Variants in ANK2 observed in about 807,000 individuals in gnomAD.
ANK2 encodes the protein ankyrin-2.
In ANK2, 83 loss-of-function variants were observed where a neutral mutation model predicts 360.5. The ratio of observed to expected loss-of-function variants is 0.23; its 90% CI spans 0.19 to 0.28. ANK2 has a LOEUF of 0.28. Ranked by LOEUF, ANK2 falls within the 10% of genes least tolerant of loss-of-function variation. ANK2 has a pLI of 1.00. For synonymous variants in ANK2, 1,740 were observed against 1,759.5 expected (o/e 0.99, Z 0.28); for missense variants, 4,201 against 4,795.7 (o/e 0.88, Z 3.66).
At chr4:113,300,636 G>A (rs1388101188) in intron 22 of ANK2, among the ~76,000 whole-genome samples, 1 of 152,162 alleles carries the variant, frequency 6.6e-6, no homozygotes, top group Non-Finnish European at 1.5e-5. Flanking sequence ...ATCAGGGAAT[G>A]TTTCTCCAAG....
intron 2 of ANK2, among the ~76,000 whole-genome samples, chr4:112,968,719 C>T (rs1486371278): frequency 1.3e-5 from 2 of 152,070 alleles, no homozygotes; most frequent in Non-Finnish European, 1.5e-5. Context: ...TTTGCCATTT[C>T]TATATAGGGA....
At chr4:113,033,227 G>A (rs1291378117) in intron 2 of ANK2, among the ~76,000 whole-genome samples, 1 of 152,044 alleles carries the variant, frequency 6.6e-6, no homozygotes, top group African/African-American at 2.4e-5. Context: ...ATGGCTGAGT[G>A]TGTACCAGGA....
At chr4:112,957,621 G>C (rs565620533) in intron 2 of ANK2, among the ~76,000 whole-genome samples, 53 of 151,068 alleles carry the variant, frequency 3.5e-4, no homozygotes, top group Non-Finnish European at 3.0e-5. Context: ...CCTCCCGGAC[G>C]GGGCGGCTGG....
chr4:113,218,021 C>G (rs2099106309), intron 4 of ANK2, among the ~76,000 whole-genome samples: 1 of 152,142 alleles, frequency 6.6e-6, no homozygotes, highest in Admixed American at 6.6e-5. Flanking sequence ...CTTTTAAAGA[C>G]CTTGGATAAG....
intron 9 of ANK2, 87 bp from the exon 10 acceptor site, chr4:113,249,677 T>C: frequency 1.6e-6 from 2 of 1,242,986 alleles, no homozygotes; most frequent in Non-Finnish European, 2.3e-6. Context: ...GGATTGAGTT[T>C]AGGAACTCCC....
At chr4:112,739,977 C>T in the ANK2 span, among the ~76,000 whole-genome samples, 1 of 152,102 alleles carries the variant, frequency 6.6e-6, no homozygotes, top group African/African-American at 2.4e-5. Context: ...GCCTGGGCAA[C>T]AGAGCAGAAC....
At chr4:113,027,522 TG>T (rs2059538917) in intron 2 of ANK2, among the ~76,000 whole-genome samples, 1 of 152,122 alleles carries the variant, frequency 6.6e-6, no homozygotes, top group African/African-American at 2.4e-5. Context: ...GTCTTCTTCC[TG>T]GGGCCACCAT....
chr4:112,726,782 C>T, the ANK2 span, among the ~76,000 whole-genome samples: 1 of 141,348 alleles, frequency 7.1e-6, no homozygotes, highest in Non-Finnish European at 1.5e-5. Flanking sequence ...ACCTGGGAGG[C>T]GGAGCTTGCA....
At chr4:112,814,492 T>G (rs1420953984), upstream of ANK2, among the ~76,000 whole-genome samples, 1 of 152,114 alleles carries the variant, frequency 6.6e-6, no homozygotes, top group Non-Finnish European at 1.5e-5. Context: ...TGTTACCCAG[T>G]CTGGAGTGCA....
the ANK2 span, among the ~76,000 whole-genome samples, chr4:112,728,203 G>C: frequency 1.4e-5 from 2 of 139,100 alleles, no homozygotes; most frequent in Admixed American, 1.6e-4. Context: ...TGAGGCAGGA[G>C]TATCGCTTGA....
chr4:112,991,231 A>G (rs2046651719), intron 2 of ANK2, among the ~76,000 whole-genome samples: 1 of 80,616 alleles, frequency 1.2e-5, no homozygotes, highest in Non-Finnish European at 2.4e-5. Flanking sequence ...CTGGTGACAG[A>G]GCCTCAAAAA....
intron 2 of ANK2, among the ~76,000 whole-genome samples, chr4:112,986,476 T>C (rs1184873451): frequency 1.3e-5 from 2 of 152,162 alleles, no homozygotes; most frequent in Non-Finnish European, 2.9e-5. Flanking sequence ...TTTTTTGTTT[T>C]AACATTACTC....
intron 1 of ANK2, among the ~76,000 whole-genome samples, chr4:112,881,307 A>C (rs1206353630): frequency 6.6e-6 from 1 of 152,158 alleles, no homozygotes; most frequent in Non-Finnish European, 1.5e-5. Flanking sequence ...GCATGGTGGC[A>C]TGTGCCTGTG....
chr4:113,115,086 G>A (rs1562171230), intron 1 of ANK2, among the ~76,000 whole-genome samples: 1 of 152,108 alleles, frequency 6.6e-6, no homozygotes, highest in Non-Finnish European at 1.5e-5. Context: ...CCTAATGACT[G>A]CTTTGACACC....
Position 113,381,458 on chromosome 4 carries a change from A to T in ANK2, c.11861A>T (p.Asp3954Val). ...TCTCTCTTGTCTGCTTTTCTCCAGG[A>T]CAACAATGAGTAAAGCCATCACACA... Reference protein sequence around the residue: ...VLKSDTEQSEDNNE With the variant: ...VLKSDTEQSEVNNE The change falls in exon 46 of 46, where the codon GAC becomes GTC. Residue 3954 changes from aspartate (D) to valine (V), a missense_variant and splice_region_variant. Asp to Val is a radical substitution (Grantham distance 152). Around this residue, in one of 4 missense-constraint regions of ANK2, gnomAD observed 2,642 missense variants for 2,714.5 expected, o/e 0.97. Coordinates refer to ENST00000357077, the MANE Select transcript of ANK2 (RefSeq NM_001148.6). The T allele has an allele frequency of 6.2e-7, 1 of 1,614,162 alleles. No individual in the cohort carries two copies. The highest frequency in any genetic ancestry group is 1.3e-5 in the African/African-American group (1 of 75,040).
At chr4:113,221,182 G>A (rs1053425973) in intron 4 of ANK2, among the ~76,000 whole-genome samples, 6 of 152,184 alleles carry the variant, frequency 3.9e-5, no homozygotes, top group Admixed American at 3.3e-4. Context: ...CTTTGCAGAT[G>A]GGAAGATTAG....
At chr4:113,171,669 A>G (rs947787471) in intron 1 of ANK2, among the ~76,000 whole-genome samples, 5 of 152,174 alleles carry the variant, frequency 3.3e-5, no homozygotes, top group African/African-American at 1.2e-4. Flanking sequence ...CCTTCAGAAC[A>G]CTGGGAGCAT....
At chr4:113,137,655 TCTTC>T (rs1030304410) in intron 1 of ANK2, among the ~76,000 whole-genome samples, 5 of 152,252 alleles carry the variant, frequency 3.3e-5, no homozygotes, top group African/African-American at 1.2e-4. Context: ...CCTTCTTCCT[TCTTC>T]CTTCCTTTCT....
In ANK2 at chr4:113,019,277, G is replaced by A. The variant is rs184355367; in HGVS notation, c.21+114763G>A. On this transcript the variant is annotated intron_variant, in intron 2 of 30. Coordinates refer to the ANK2 transcript ENST00000503271. ...ATAGGATGAAATGGAAACACAGAGC[G>A]TGTTTTCTGACCACACTTGTAAATA... 7.9e-5 allele frequency among the ~76,000 whole-genome samples: 12 copies of A among 152,240 alleles called. No individual in the cohort carries two copies. In the East Asian group the frequency reaches 1.4e-3, roughly 17 times the overall value.
Sources: gnomAD v4.1 joint callset for allele counts (sites outside exome capture counted in the v4.1 genomes callset) on GRCh38, gnomAD v4.1.1 for gene constraint, gnomAD v4.1.1 regional missense constraint, MANE v1.5 for transcripts, NCBI Gene and HGNC (gene_info 2026-07-23, HGNC 2026-07-21) for gene names.